SULT4A1: variants seen among roughly 807,000 people sequenced by gnomAD.
SULT4A1 encodes sulfotransferase family 4A member 1.
Under a neutral mutation model 35.2 loss-of-function variants are expected in SULT4A1, and 11 were observed. That is an observed-to-expected ratio of 0.31 (90% CI 0.20 to 0.52). The LOEUF is 0.52. Among genes scored for constraint, SULT4A1 ranks in the 20% least tolerant of loss-of-function variants. The probability of loss-of-function intolerance (pLI) is 0.97; values close to 1 mark genes in which losing one functional copy is unlikely to be tolerated. For missense variants in SULT4A1, 271 were observed against 383.7 expected, an observed-to-expected ratio of 0.71 and a Z score of 2.45; for synonymous variants, 152 against 151.8, an observed-to-expected ratio of 1.00 and a Z score of -0.01.
chr22:43,835,112 G>A (rs1368262838), intron 4 of SULT4A1, among the ~76,000 whole-genome samples: 6 of 149,082 alleles, frequency 4.0e-5, no homozygotes, highest in Non-Finnish European at 4.5e-5. Flanking sequence ...TGAGCTTCCC[G>A]CAGCCACACC....
chr22:43,828,400 T>C (rs1372381119), intron 6 of SULT4A1, among the ~76,000 whole-genome samples: 4 of 152,216 alleles, frequency 2.6e-5, no homozygotes, highest in Admixed American at 2.6e-4. Context: ...GGAGGATTCC[T>C]GTCAGGAACA....
intron 1 of SULT4A1, among the ~76,000 whole-genome samples, chr22:43,850,759 C>T (rs531886504): frequency 3.9e-5 from 6 of 152,306 alleles, no homozygotes; most frequent in Non-Finnish European, 7.4e-5. Flanking sequence ...TGACTGCAAA[C>T]GTCCACATCC....
chr22:43,850,073 G>A (rs1000310438), intron 1 of SULT4A1, among the ~76,000 whole-genome samples: 9 of 152,184 alleles, frequency 5.9e-5, no homozygotes, highest in Middle Eastern at 3.2e-3. Context: ...TCCCGCCTGC[G>A]AAGCAGTCGG....
chr22:43,860,590 G>T (rs1569505519), intron 1 of SULT4A1, among the ~76,000 whole-genome samples: 1 of 152,098 alleles, frequency 6.6e-6, no homozygotes, highest in African/African-American at 2.4e-5. Context: ...TTCAAACCCA[G>T]GACTTCCAAC....
intron 6 of SULT4A1, chr22:43,827,481 G>A: frequency 7.8e-7 from 1 of 1,281,490 alleles, no homozygotes; most frequent in Non-Finnish European, 1.0e-6. Context: ...TCTCAGCTGA[G>A]ACAGCTGAGA....
At chr22:43,840,898 C>T (rs576263582) in intron 2 of SULT4A1, among the ~76,000 whole-genome samples, 1 of 151,602 alleles carries the variant, frequency 6.6e-6, no homozygotes, top group South Asian at 2.1e-4. Context: ...GGTCCCTCTG[C>T]TCCTCTCCTC....
At chr22:43,851,207 A>C (rs2063508366) in intron 1 of SULT4A1, among the ~76,000 whole-genome samples, 1 of 152,064 alleles carries the variant, frequency 6.6e-6, no homozygotes, top group Non-Finnish European at 1.5e-5. Flanking sequence ...CATCTCCAGG[A>C]GTCTTTGATG....
At position 43,862,491 on chromosome 22, in the gene SULT4A1, G is replaced by C; in HGVS notation, c.-109C>G. 8.4e-6 allele frequency: 8 copies of C among 947,686 alleles called. No individual in the cohort carries two copies. The highest frequency in any genetic ancestry group is 1.0e-5 in the Non-Finnish European group (8 of 799,102). 58.7% of individuals were successfully genotyped at this position (947,686 alleles called of 1,614,324 possible). On this transcript the variant is annotated 5_prime_UTR_variant, in exon 1 of 7. Coordinates refer to ENST00000330884, the MANE Select transcript of SULT4A1 (RefSeq NM_014351.4). ...ACACGCTCGCGCCCCACCGGCGCGC[G>C]GCGGCAGCTCCGCAGGCGTGACGTC...
intron 1 of SULT4A1, among the ~76,000 whole-genome samples, chr22:43,860,142 C>T (rs1193046242): frequency 6.6e-6 from 1 of 152,182 alleles, no homozygotes; most frequent in African/African-American, 2.4e-5. Context: ...CCGGCTCTGA[C>T]CACCTGCAAG....
At chr22:43,846,489 T>TA (rs2063477989) in intron 1 of SULT4A1, among the ~76,000 whole-genome samples, 5 of 152,354 alleles carry the variant, frequency 3.3e-5, no homozygotes, top group Middle Eastern at 3.4e-3. Context: ...CGCTGGTTGC[T>TA]GCATAGACAC....
intron 4 of SULT4A1, among the ~76,000 whole-genome samples, chr22:43,835,451 C>T (rs559841035): frequency 5.4e-4 from 82 of 152,312 alleles, no homozygotes; most frequent in African/African-American, 1.9e-3. Flanking sequence ...GTAGAGACTC[C>T]TCTGCTGGGC....
In SULT4A1 at chr22:43,862,419, C is replaced by T; in HGVS notation, c.-37G>A. On this transcript the variant is annotated 5_prime_UTR_variant, in exon 1 of 7. Coordinates refer to ENST00000330884, the MANE Select transcript of SULT4A1 (RefSeq NM_014351.4). ...CGCCGTCGCCGCCGCCGCCTCCCGG[C>T]TCGCAGCCCGCACGCGCCCGCGCCC... 1 of 1,069,334 alleles carries T rather than the reference C, an allele frequency of 9.4e-7. No individual in the cohort carries two copies. The highest frequency in any genetic ancestry group is 1.1e-6 in the Non-Finnish European group (1 of 882,314). The allele number at this position is 1,069,334 out of a possible 1,614,324, so 66.2% of individuals were successfully genotyped here.
chr22:43,840,176 G>T, intron 2 of SULT4A1, 151 bp from the exon 3 acceptor site: 1 of 626,316 alleles, frequency 1.6e-6, no homozygotes, highest in Non-Finnish European at 2.8e-6. Flanking sequence ...CTAGGGTAGC[G>T]GAGGGGTCAG....
At chr22:43,827,922 T>C (rs2148275451) in intron 6 of SULT4A1, among the ~76,000 whole-genome samples, 1 of 152,344 alleles carries the variant, frequency 6.6e-6, no homozygotes, top group South Asian at 2.1e-4. Context: ...CGAGAGGGAC[T>C]GTGGTTCAGT....
chr22:43,837,525 G>A (rs2063387132), intron 4 of SULT4A1, among the ~76,000 whole-genome samples: 1 of 152,220 alleles, frequency 6.6e-6, no homozygotes, highest in South Asian at 2.1e-4. Flanking sequence ...GCCATGGGAA[G>A]AGGGGCTGGA....
At chr22:43,853,160 C>A (rs2049361352) in intron 1 of SULT4A1, among the ~76,000 whole-genome samples, 1 of 152,016 alleles carries the variant, frequency 6.6e-6, no homozygotes. Flanking sequence ...CACAAACACA[C>A]AACACATGCA....
At chr22:43,829,285 A>G (rs1603403875) in intron 5 of SULT4A1, 87 bp from the exon 6 acceptor site, 2 of 1,375,322 alleles carry the variant, frequency 1.5e-6, no homozygotes, top group Non-Finnish European at 1.9e-6. Flanking sequence ...CACGCTGAGG[A>G]CTTTTTACAC....
chr22:43,846,195 C>G (rs2148295758), intron 1 of SULT4A1, among the ~76,000 whole-genome samples: 1 of 152,302 alleles, frequency 6.6e-6, no homozygotes, highest in East Asian at 1.9e-4. Flanking sequence ...CACTGGTGTC[C>G]CTGCCTGGAG....
chr22:43,862,496 C>T lies in SULT4A1; in HGVS notation c.-114G>A. On this transcript the variant is annotated 5_prime_UTR_variant, in exon 1 of 7. Transcript: ENST00000330884. ...CTCGCGCCCCACCGGCGCGCGGCGG[C>T]AGCTCCGCAGGCGTGACGTCATGGC... is the stretch of plus-strand genomic sequence containing the variant. 1.1e-6 allele frequency: 1 copy of T among 932,376 alleles called. No homozygotes were observed. Among genetic ancestry groups the T allele is most frequent in the Non-Finnish European group, 1.3e-6 (1 of 784,578 alleles). 57.8% of individuals were successfully genotyped at this position (932,376 alleles called of 1,614,324 possible). A position where few individuals can be genotyped will look rare whatever the true frequency, so the allele number is the denominator to read the frequency against.
Sources: gnomAD v4.1 joint callset for allele counts (sites outside exome capture counted in the v4.1 genomes callset) on GRCh38, gnomAD v4.1.1 for gene constraint, MANE v1.5 for transcripts, NCBI Gene and HGNC (gene_info 2026-07-23, HGNC 2026-07-21) for gene names.